ATP6V1A: variants seen among roughly 807,000 people sequenced by gnomAD.
ATP6V1A encodes the protein ATPase H+ transporting V1 subunit A.
Under a neutral mutation model 70.1 loss-of-function variants are expected in ATP6V1A, and 18 were observed. The observed-to-expected ratio is 0.26, with a 90% CI of 0.18 to 0.38. The LOEUF (loss-of-function observed/expected upper bound fraction) is 0.38. Ranked by LOEUF, ATP6V1A falls within the 10% of genes least tolerant of loss-of-function variation. The pLI is 1.00. For missense variants in ATP6V1A, 424 were observed against 772.4 expected, an observed-to-expected ratio of 0.55 and a Z score of 5.35; for synonymous variants, 232 against 253.8, an observed-to-expected ratio of 0.91 and a Z score of 0.82.
At chr3:113,767,125 T>C (rs1391441471) in intron 1 of ATP6V1A, among the ~76,000 whole-genome samples, 1 of 146,752 alleles carries the variant, frequency 6.8e-6, no homozygotes, top group Non-Finnish European at 1.5e-5. Context: ...AGAGTCTTGC[T>C]CTGGCGCCCA....
chr3:113,774,492 C>T (rs536266693), intron 1 of ATP6V1A, among the ~76,000 whole-genome samples: 20 of 152,112 alleles, frequency 1.3e-4, no homozygotes, highest in Non-Finnish European at 2.2e-4. Flanking sequence ...AATTCAAAGT[C>T]TTCAAACCGT....
At chr3:113,765,189 T>TA (rs1488364376) in intron 1 of ATP6V1A, among the ~76,000 whole-genome samples, 1 of 152,200 alleles carries the variant, frequency 6.6e-6, no homozygotes, top group African/African-American at 2.4e-5. Flanking sequence ...TCCTCTTAGA[T>TA]ATGTCCATTT....
chr3:113,781,778 C>T (rs530606121), intron 3 of ATP6V1A, among the ~76,000 whole-genome samples: 18 of 152,202 alleles, frequency 1.2e-4, no homozygotes, highest in African/African-American at 3.9e-4. Flanking sequence ...TTCATTGGGA[C>T]GCATATTGTA....
chr3:113,763,322 C>T (rs1364387729), intron 1 of ATP6V1A, among the ~76,000 whole-genome samples: 3 of 152,148 alleles, frequency 2.0e-5, no homozygotes, highest in Admixed American at 1.3e-4. Flanking sequence ...CTCCTGACCT[C>T]GTGATCCGCC....
intron 14 of ATP6V1A, among the ~76,000 whole-genome samples, chr3:113,808,666 T>G (rs990211283): frequency 6.6e-6 from 1 of 152,176 alleles, no homozygotes; most frequent in Non-Finnish European, 1.5e-5. Context: ...TAATACCAGA[T>G]GTTGAGCAAA....
At chr3:113,777,717 C>T (rs1324322944) in intron 1 of ATP6V1A, among the ~76,000 whole-genome samples, 2 of 152,142 alleles carry the variant, frequency 1.3e-5, no homozygotes, top group African/African-American at 2.4e-5. Flanking sequence ...CACACCATTA[C>T]ACTCCTGCCA....
chr3:113,765,877 A>G (rs1353006347), intron 1 of ATP6V1A, among the ~76,000 whole-genome samples: 1 of 151,972 alleles, frequency 6.6e-6, no homozygotes, highest in Non-Finnish European at 1.5e-5. Context: ...CAGTGAGCCG[A>G]GATCGCACCA....
rs550044774 is a variant in ATP6V1A at position 113,803,351 on chromosome 3, A to G, written c.1495-232A>G. ...AGATTTGTTTCACAGTAATGTGAGT[A>G]TACCTAACACTGTTACACTGTATAA... On this transcript the variant is annotated intron_variant, in intron 12 of 14. Coordinates refer to ENST00000273398, the MANE Select transcript of ATP6V1A (RefSeq NM_001690.4). The G allele has an allele frequency of 1.4e-4, 54 of 387,548 alleles. No individual in the cohort carries two copies. The Middle Eastern group carries it at 5.8e-3, about 42-fold the overall frequency. The allele number at this position is 387,548 out of a possible 1,614,324, so 24.0% of individuals were successfully genotyped here. A position where few individuals can be genotyped will look rare whatever the true frequency, so the allele number is the denominator to read the frequency against.
intron 13 of ATP6V1A, among the ~76,000 whole-genome samples, chr3:113,804,240 A>T (rs1224077216): frequency 1.3e-5 from 2 of 150,134 alleles, no homozygotes; most frequent in African/African-American, 4.9e-5. Context: ...CAGTCCACCC[A>T]CCTCGGCCTC....
intron 6 of ATP6V1A, among the ~76,000 whole-genome samples, 164 bp downstream of exon 6, chr3:113,786,547 A>G (rs1448506377): frequency 6.6e-6 from 1 of 152,242 alleles, no homozygotes; most frequent in Non-Finnish European, 1.5e-5. Context: ...AGCACTTATT[A>G]TAAATTCAAA....
chr3:113,775,201 T>C (rs1708895117), intron 1 of ATP6V1A, among the ~76,000 whole-genome samples: 1 of 152,120 alleles, frequency 6.6e-6, no homozygotes. Flanking sequence ...GATGACATTT[T>C]TGTAAGCGTA....
intron 1 of ATP6V1A, among the ~76,000 whole-genome samples, chr3:113,776,593 C>T (rs886906131): frequency 2.6e-5 from 4 of 152,186 alleles, no homozygotes; most frequent in African/African-American, 7.2e-5. Context: ...TCAAGCCTTA[C>T]GTATTTCCAG....
chr3:113,795,644 T>C (rs1709145689), intron 10 of ATP6V1A, among the ~76,000 whole-genome samples: 1 of 152,038 alleles, frequency 6.6e-6, no homozygotes, highest in Admixed American at 6.5e-5. Flanking sequence ...TGTCTCATAA[T>C]AGAAGGTGTT....
intron 1 of ATP6V1A, among the ~76,000 whole-genome samples, chr3:113,764,084 T>G (rs1373501083): frequency 6.6e-6 from 1 of 151,692 alleles, no homozygotes; most frequent in African/African-American, 2.4e-5. Flanking sequence ...TACATAAAAA[T>G]CAAAAAGCTG....
At chr3:113,777,274 GA>G (rs892062334) in intron 1 of ATP6V1A, among the ~76,000 whole-genome samples, 2 of 151,294 alleles carry the variant, frequency 1.3e-5, no homozygotes, top group Admixed American at 6.6e-5. Flanking sequence ...TCCACTAAAA[GA>G]AAAAAGGAAA....
intron 11 of ATP6V1A, among the ~76,000 whole-genome samples, chr3:113,796,574 T>C (rs1030847601): frequency 6.6e-6 from 1 of 152,202 alleles, no homozygotes. Flanking sequence ...ACATGAATTT[T>C]AGTGGATAGG....
intron 1 of ATP6V1A, among the ~76,000 whole-genome samples, chr3:113,776,097 G>A (rs1462322281): frequency 1.3e-5 from 2 of 152,146 alleles, no homozygotes; most frequent in East Asian, 3.9e-4. Flanking sequence ...GGTGGCTCAT[G>A]TCTGTAATCC....
chr3:113,798,100 T>C, intron 11 of ATP6V1A, 143 bp from the exon 12 acceptor site: 2 of 805,784 alleles, frequency 2.5e-6, no homozygotes, highest in Non-Finnish European at 3.9e-6. Flanking sequence ...GCCACTGCAC[T>C]CCAGCCTGGG....
At chr3:113,778,959 G>A (rs890302736) in intron 2 of ATP6V1A, 124 bp downstream of exon 2, 5 of 606,800 alleles carry the variant, frequency 8.2e-6, no homozygotes, top group Non-Finnish European at 1.3e-5. Context: ...GTCCTTAGGC[G>A]ATCTCATAGT....
Sources: gnomAD v4.1 joint callset for allele counts (sites outside exome capture counted in the v4.1 genomes callset) on GRCh38, gnomAD v4.1.1 for gene constraint, MANE v1.5 for transcripts, NCBI Gene and HGNC (gene_info 2026-07-23, HGNC 2026-07-21) for gene names.